Variants in ZC3H4 observed in about 807,000 individuals in gnomAD.
ZC3H4 encodes zinc finger CCCH domain-containing protein 4.
A neutral mutation model predicts 108.3 loss-of-function variants in ZC3H4; 13 were observed. The ratio of observed to expected loss-of-function variants is 0.12; its 90% confidence interval spans 0.08 to 0.19. The LOEUF is 0.19. ZC3H4 is among the 10% of genes least tolerant of loss of function. The pLI is 1.00. For synonymous variants in ZC3H4, 917 were observed against 749.6 expected, an observed-to-expected ratio of 1.22 and a Z score of -3.65; for missense variants, 1,734 against 1,838.8, an observed-to-expected ratio of 0.94 and a Z score of 1.04.
intron 2 of ZC3H4, among the ~76,000 whole-genome samples, chr19:47,097,807 T>C (rs1324320851): frequency 6.6e-6 from 1 of 152,142 alleles, no homozygotes; most frequent in Non-Finnish European, 1.5e-5. Flanking sequence ...CCAAACTCTC[T>C]TGAGACAAGC....
At chr19:47,099,441 A>T (rs968230135) in intron 2 of ZC3H4, among the ~76,000 whole-genome samples, 1 of 151,792 alleles carries the variant, frequency 6.6e-6, no homozygotes, top group Non-Finnish European at 1.5e-5. Flanking sequence ...CCTGGGCAAC[A>T]AGAGTGAAAC....
At position 47,065,967 on chromosome 19, in the gene ZC3H4, C is replaced by T. The variant is rs756224979; in HGVS notation, c.*389G>A. On this transcript the variant is annotated 3_prime_UTR_variant, in exon 15 of 15. Coordinates refer to ENST00000253048, the MANE Select transcript of ZC3H4 (RefSeq NM_015168.2). Reference sequence around the variant, plus strand: ...GGAGCGTTCAATACCTTCCCAGACACCAACTGTTCCCTTTGTCCTGGGGAA... The same window carrying T: ...GGAGCGTTCAATACCTTCCCAGACATCAACTGTTCCCTTTGTCCTGGGGAA... 1.8e-5 allele frequency: 3 copies of T among 170,306 alleles called. No homozygotes were observed. Among genetic ancestry groups the T allele is most frequent in the Non-Finnish European group, 3.7e-5 (3 of 80,658 alleles). 10.5% of individuals were successfully genotyped at this position (170,306 alleles called of 1,614,324 possible). A position where few individuals can be genotyped will look rare whatever the true frequency, so the allele number is the denominator to read the frequency against.
intron 2 of ZC3H4, among the ~76,000 whole-genome samples, chr19:47,101,357 G>C (rs931768047): frequency 6.6e-6 from 1 of 151,752 alleles, no homozygotes; most frequent in African/African-American, 2.4e-5. Context: ...AGGAGTTAGA[G>C]ACCAGCCTGG....
intron 2 of ZC3H4, among the ~76,000 whole-genome samples, chr19:47,105,123 A>G (rs972759750): frequency 6.6e-6 from 1 of 152,178 alleles, no homozygotes; most frequent in Non-Finnish European, 1.5e-5. Context: ...TTTAAATGGA[A>G]TATCTATATT....
intron 3 of ZC3H4, 100 bp from the exon 4 acceptor site, chr19:47,094,180 T>G: frequency 7.9e-7 from 1 of 1,263,918 alleles, no homozygotes; most frequent in East Asian, 2.3e-5. Context: ...GCCGCAGGGC[T>G]CTGCGCTTCA....
intron 2 of ZC3H4, chr19:47,112,190 A>T: frequency 8.5e-7 from 1 of 1,181,782 alleles, no homozygotes; most frequent in Non-Finnish European, 1.0e-6. Flanking sequence ...AGCGAGAGCG[A>T]GGGAGAGCGG....
chr19:47,108,129 A>C (rs1249397904), intron 2 of ZC3H4, among the ~76,000 whole-genome samples: 3 of 152,202 alleles, frequency 2.0e-5, no homozygotes, highest in Non-Finnish European at 4.4e-5. Flanking sequence ...CAATTGCCAG[A>C]AATCTCAGGA....
intron 1 of ZC3H4, among the ~76,000 whole-genome samples, chr19:47,113,031 G>A (rs540344407): frequency 5.3e-4 from 80 of 152,366 alleles, no homozygotes; most frequent in African/African-American, 1.8e-3. Flanking sequence ...ACGGGCCGCG[G>A]AGACGGGCCG....
chr19:47,083,465 G>C (rs556082328), intron 9 of ZC3H4, among the ~76,000 whole-genome samples: 1 of 152,128 alleles, frequency 6.6e-6, no homozygotes, highest in East Asian at 1.9e-4. Context: ...GCTCACATTT[G>C]TAATCCCAGC....
At chr19:47,106,404 T>C (rs1452900351) in intron 2 of ZC3H4, among the ~76,000 whole-genome samples, 6 of 152,098 alleles carry the variant, frequency 3.9e-5, no homozygotes, top group Non-Finnish European at 2.9e-5. Context: ...ATTAATACTA[T>C]GAGGTGCCAC....
At chr19:47,073,129 C>T (rs1307418801) in intron 11 of ZC3H4, among the ~76,000 whole-genome samples, 1 of 151,292 alleles carries the variant, frequency 6.6e-6, no homozygotes, top group Non-Finnish European at 1.5e-5. Flanking sequence ...AAAAATTAGC[C>T]AGGCATGGTA....
intron 13 of ZC3H4, among the ~76,000 whole-genome samples, chr19:47,070,131 C>CG (rs201848662): frequency 0.018 from 2,662 of 150,544 alleles, 76 homozygotes; most frequent in African/African-American, 0.056. Flanking sequence ...ATCACCGAAA[C>CG]GGAGGGGGGG....
At position 47,067,086 on chromosome 19, in the gene ZC3H4, G is replaced by A. The variant is rs141514527; in HGVS notation, c.3182C>T (p.Ala1061Val). ...KTVNATGSSA[A>V]PGSSDKPSDP... ...ACTGGGTTTGTCGCTGGAACCGGGG[G>A]CGGCCGAGGAGCCGGTGGCATTGAC... The change falls in exon 15 of 15, where the codon GCC (alanine) becomes GTC (valine). Residue 1061 changes from alanine to valine, a missense_variant. Coordinates refer to ENST00000253048, the MANE Select transcript of ZC3H4 (RefSeq NM_015168.2). This position sits in a 1 kb window ranked among gnomAD's most constrained non-coding sequence, Gnocchi z 6.4. 0.022 allele frequency: 35,023 copies of A among 1,610,312 alleles called. 474 individuals are homozygous for A. Among genetic ancestry groups the A allele is most frequent in the Non-Finnish European group, 0.026 (31,058 of 1,178,422 alleles).
Position 47,072,248 on chromosome 19 carries a change from G to T in ZC3H4, c.1802+104C>A, listed in dbSNP as rs1262323905. 7.1e-7 allele frequency: 1 copy of T among 1,415,192 alleles called. No homozygotes were observed. The highest frequency in any genetic ancestry group is 1.4e-5 in the African/African-American group (1 of 69,446). 87.7% of individuals were successfully genotyped at this position (1,415,192 alleles called of 1,614,324 possible). On this transcript the variant is annotated intron_variant, in intron 12 of 14. Coordinates refer to ENST00000253048, the MANE Select transcript of ZC3H4 (RefSeq NM_015168.2). This position sits in a 1 kb window ranked among gnomAD's most constrained non-coding sequence, Gnocchi z 5.6. Reference sequence around the variant, plus strand: ...CCAGACCAGGACTCCCACAGCTGGGGAGAGAGGCAGGACTCTCCCACAGCC... The same window carrying T: ...CCAGACCAGGACTCCCACAGCTGGGTAGAGAGGCAGGACTCTCCCACAGCC...
chr19:47,095,253 G>A (rs1005939474), intron 2 of ZC3H4, among the ~76,000 whole-genome samples: 10 of 152,216 alleles, frequency 6.6e-5, no homozygotes, highest in African/African-American at 1.9e-4. Context: ...CCCACCCACA[G>A]GCAGGCCTGG....
chr19:47,070,356 A>C (rs537178196), intron 13 of ZC3H4, among the ~76,000 whole-genome samples: 9 of 152,282 alleles, frequency 5.9e-5, no homozygotes, highest in African/African-American at 2.2e-4. Context: ...ATCCCAGCGC[A>C]GAGCTGGGAC....
In ZC3H4 at chr19:47,094,270, T is replaced by C. The variant is rs888420022; in HGVS notation, c.381+119A>G. ...CTTTTAAAAAAGGTCTTTATCCAAT[T>C]TGAGATAAGCAAAGGCATTAAGAGT... On this transcript the variant is annotated intron_variant, in intron 3 of 14. Coordinates refer to ENST00000253048, the MANE Select transcript of ZC3H4 (RefSeq NM_015168.2). 5 of 1,228,220 alleles carry C rather than the reference T, an allele frequency of 4.1e-6. No individual in the cohort carries two copies. The Admixed American group carries it at 8.1e-5, about 20-fold the overall frequency. The allele number at this position is 1,228,220 out of a possible 1,614,324, so 76.1% of individuals were successfully genotyped here.
At chr19:47,068,979 C>T (rs2057272684) in intron 14 of ZC3H4, 113 bp downstream of exon 14, 2 of 1,555,982 alleles carry the variant, frequency 1.3e-6, no homozygotes, top group African/African-American at 2.7e-5. Context: ...AGGGGTCCTC[C>T]CTAGCCATGG....
At chr19:47,101,192 T>C (rs943603393) in intron 2 of ZC3H4, among the ~76,000 whole-genome samples, 4 of 151,446 alleles carry the variant, frequency 2.6e-5, no homozygotes, top group South Asian at 4.2e-4. Flanking sequence ...ATACAAAACT[T>C]AGCCTGGCAG....
Sources: allele counts gnomAD v4.1 joint callset (sites outside exome capture counted in the v4.1 genomes callset), GRCh38; gene constraint gnomAD v4.1.1; non-coding constraint Gnocchi (gnomAD v3.1); transcripts MANE v1.5; gene names NCBI Gene and HGNC (gene_info 2026-07-23, HGNC 2026-07-21).